The following DISC1 variants were observed in gnomAD, a reference collection of about 807,000 sequenced individuals.
DISC1 encodes disrupted in schizophrenia 1 protein.
DISC1 carries 57 observed loss-of-function variants against 84.5 expected under a neutral mutation model. The observed-to-expected ratio is 0.67, with a 90% CI of 0.55 to 0.84. The LOEUF (loss-of-function observed/expected upper bound fraction) is 0.84, where lower values mean the gene tolerates loss of function less well. Ranked by LOEUF, DISC1 falls within the 40% of genes least tolerant of loss-of-function variation. The pLI is 0.00. For missense variants in DISC1, 1,000 were observed against 1,057.8 expected (o/e 0.95, Z 0.76); for synonymous variants, 411 against 415.2 (o/e 0.99, Z 0.12).
chr1:231,927,753 C>G (rs2090433392), intron 9 of DISC1, among the ~76,000 whole-genome samples: 3 of 152,194 alleles, frequency 2.0e-5, no homozygotes, highest in Non-Finnish European at 4.4e-5. Flanking sequence ...TTTTATGCAA[C>G]AAAGGAGATA....
intron 3 of DISC1, among the ~76,000 whole-genome samples, chr1:231,735,312 C>T (rs966125486): frequency 2.8e-4 from 43 of 152,014 alleles, no homozygotes; most frequent in African/African-American, 1.0e-3. Flanking sequence ...GTGGATATAC[C>T]ATAATTTACT....
chr1:231,871,034 G>C (rs1433374594), intron 9 of DISC1, among the ~76,000 whole-genome samples: 1 of 152,084 alleles, frequency 6.6e-6, no homozygotes, highest in Non-Finnish European at 1.5e-5. Flanking sequence ...TTGGGGATGT[G>C]GTGGGGGCTG....
At chr1:231,737,853 G>GTTTTAT (rs1303224350) in intron 3 of DISC1, among the ~76,000 whole-genome samples, 1 of 152,082 alleles carries the variant, frequency 6.6e-6, no homozygotes. Flanking sequence ...GCAAGCTGCA[G>GTTTTAT]TTTTATTTTT....
chr1:231,958,115 G>A (rs916691945), intron 9 of DISC1, among the ~76,000 whole-genome samples: 1 of 152,226 alleles, frequency 6.6e-6, no homozygotes, highest in Non-Finnish European at 1.5e-5. Flanking sequence ...TGGTGTGCAC[G>A]TCTGTTAGTT....
At chr1:232,029,630 G>A (rs1267407297) in intron 12 of DISC1, among the ~76,000 whole-genome samples, 1 of 152,220 alleles carries the variant, frequency 6.6e-6, no homozygotes, top group East Asian at 1.9e-4. Context: ...AGCCTACTGT[G>A]CATGTGAGGT....
chr1:231,896,195 A>G (rs1198894865), intron 9 of DISC1, among the ~76,000 whole-genome samples: 2 of 152,132 alleles, frequency 1.3e-5, no homozygotes, highest in Non-Finnish European at 2.9e-5. Context: ...GTCGCATTCA[A>G]TGGGAAAGAT....
chr1:232,008,301 TC>T, intron 10 of DISC1, among the ~76,000 whole-genome samples: 1 of 152,226 alleles, frequency 6.6e-6, no homozygotes, highest in African/African-American at 2.4e-5. Flanking sequence ...CATCATATTT[TC>T]CAGTTGGAAG....
intron 8 of DISC1, chr1:231,815,118 A>T (rs1349491679): frequency 6.6e-6 from 1 of 151,954 alleles, no homozygotes; most frequent in Non-Finnish European, 1.5e-5. Context: ...AATTTATGGG[A>T]CACTCATTAA....
chr1:231,938,807 A>T (rs888014877), intron 9 of DISC1, among the ~76,000 whole-genome samples: 2 of 152,240 alleles, frequency 1.3e-5, no homozygotes, highest in Non-Finnish European at 2.9e-5. Flanking sequence ...CATTCTGCTG[A>T]ATCCCAAAGC....
chr1:231,715,582 T>C (rs749634939), intron 3 of DISC1, among the ~76,000 whole-genome samples: 1 of 152,180 alleles, frequency 6.6e-6, no homozygotes, highest in Non-Finnish European at 1.5e-5. Context: ...AACCCATCAA[T>C]AGGTTATCAC....
chr1:231,751,400 A>T (rs1189945785), intron 4 of DISC1, among the ~76,000 whole-genome samples: 4 of 152,252 alleles, frequency 2.6e-5, no homozygotes, highest in African/African-American at 9.6e-5. Flanking sequence ...ATGCTTTAGA[A>T]GTTACTCATT....
At chr1:231,863,013 T>C (rs945674386) in intron 9 of DISC1, among the ~76,000 whole-genome samples, 6 of 152,126 alleles carry the variant, frequency 3.9e-5, no homozygotes, top group Non-Finnish European at 8.8e-5. Flanking sequence ...AGGACTTATA[T>C]GGCTTTTGTA....
chr1:231,730,905 A>T (rs1004370858), intron 3 of DISC1, among the ~76,000 whole-genome samples: 2 of 152,194 alleles, frequency 1.3e-5, no homozygotes, highest in African/African-American at 4.8e-5. Context: ...ATATGGTGTA[A>T]AATTATTTTT....
chr1:231,866,500 T>C, intron 9 of DISC1: 1 of 792,928 alleles, frequency 1.3e-6, no homozygotes, highest in Non-Finnish European at 2.3e-6. Flanking sequence ...GTCCTTAATA[T>C]TTAATGTTCA....
chr1:231,699,460 C>T (rs1254912076), intron 2 of DISC1, among the ~76,000 whole-genome samples: 2 of 152,148 alleles, frequency 1.3e-5, no homozygotes, highest in Admixed American at 1.3e-4. Context: ...CAAAACAAAC[C>T]TTGGCATCAT....
chr1:231,721,103 A>G (rs946397806), intron 3 of DISC1: 4 of 1,289,230 alleles, frequency 3.1e-6, no homozygotes, highest in East Asian at 5.6e-5. Context: ...TGATGTCCTC[A>G]TCTGCCAAAT....
chr1:231,923,575 C>T (rs1417859033), intron 9 of DISC1, among the ~76,000 whole-genome samples: 2 of 152,186 alleles, frequency 1.3e-5, no homozygotes, highest in Non-Finnish European at 2.9e-5. Context: ...CGGATATTAC[C>T]TCACCCAGTA....
At chr1:231,777,630 C>CA (rs2077052978) in intron 6 of DISC1, among the ~76,000 whole-genome samples, 1 of 152,072 alleles carries the variant, frequency 6.6e-6, no homozygotes, top group African/African-American at 2.4e-5. Flanking sequence ...CAATGCTGGC[C>CA]AGATGGGTGC....
chr1:231,760,594 G>A (rs1045577770), intron 4 of DISC1, among the ~76,000 whole-genome samples: 6 of 152,190 alleles, frequency 3.9e-5, no homozygotes, highest in African/African-American at 7.2e-5. Flanking sequence ...AAAATTCTGC[G>A]ATTCCAGCAG....
Sources: gnomAD v4.1 joint callset for allele counts (sites outside exome capture counted in the v4.1 genomes callset) on GRCh38, gnomAD v4.1.1 for gene constraint, MANE v1.5 for transcripts, NCBI Gene and HGNC (gene_info 2026-07-23, HGNC 2026-07-21) for gene names.